Variants in BACH1 observed in about 807,000 individuals in gnomAD.
BACH1 encodes transcription regulator protein BACH1.
A neutral mutation model predicts 52.9 loss-of-function variants in BACH1; 35 were observed. The ratio of observed to expected loss-of-function variants is 0.66; its 90% confidence interval spans 0.51 to 0.88. BACH1 has a LOEUF of 0.88. BACH1 is among the 40% of genes least tolerant of loss of function. The pLI, the probability that BACH1 is intolerant of heterozygous loss-of-function variation, is 0.00. For synonymous variants in BACH1, 321 were observed against 319.6 expected (o/e 1.00, Z -0.05); for missense variants, 808 against 872.6 (o/e 0.93, Z 0.93).
chr21:29,337,048 A>T (rs1418988500), intron 4 of BACH1, among the ~76,000 whole-genome samples: 1 of 152,014 alleles, frequency 6.6e-6, no homozygotes, highest in Non-Finnish European at 1.5e-5. Flanking sequence ...TTTCTGATTC[A>T]ATTTGTTAGG....
At chr21:29,329,788 CAATT>C in intron 4 of BACH1, 95 bp downstream of exon 4, 1 of 903,318 alleles carries the variant, frequency 1.1e-6, no homozygotes, top group Non-Finnish European at 1.6e-6. Context: ...ATATAATGCT[CAATT>C]ACTTATTTTA....
At chr21:29,340,434 TG>T (rs1006745741) in intron 4 of BACH1, among the ~76,000 whole-genome samples, 18 of 152,144 alleles carry the variant, frequency 1.2e-4, no homozygotes, top group African/African-American at 4.3e-4. Flanking sequence ...CCTAATTTAG[TG>T]GGGTGGGAGG....
intron 3 of BACH1, among the ~76,000 whole-genome samples, chr21:29,328,125 A>G (rs1360338832): frequency 1.3e-5 from 2 of 152,248 alleles, no homozygotes; most frequent in Non-Finnish European, 2.9e-5. Context: ...AACAGTGATT[A>G]GTTGTAGGAA....
In BACH1 at chr21:29,326,728, G is replaced by A; in HGVS notation, c.904G>A (p.Glu302Lys). The A allele has an allele frequency of 6.2e-7, 1 of 1,614,054 alleles. No individual in the cohort carries two copies. Among genetic ancestry groups the A allele is most frequent in the Non-Finnish European group, 8.5e-7 (1 of 1,180,042 alleles). ...AGATCCTGCTTCTCAGTGCCCAACT[G>A]AAAAATCAGAAGTGACTCCTTTCCC... Reference protein sequence around the residue: ...KKDPASQCPTEKSEVTPFPHN... With the variant: ...KKDPASQCPTKKSEVTPFPHN... Residue 302 changes from glutamate (E) to lysine (K), a missense_variant, in exon 3 of 5, where the codon GAA becomes AAA. Coordinates refer to ENST00000286800, the MANE Select transcript of BACH1 (RefSeq NM_001186.4).
chr21:29,310,573 C>T (rs1362191433), intron 1 of BACH1, among the ~76,000 whole-genome samples: 1 of 152,188 alleles, frequency 6.6e-6, no homozygotes, highest in Non-Finnish European at 1.5e-5. Flanking sequence ...TTCAGCAAGT[C>T]AGTGAAGTGA....
At chr21:29,346,965 C>T, downstream of BACH1, among the ~76,000 whole-genome samples, 1 of 152,140 alleles carries the variant, frequency 6.6e-6, no homozygotes. Context: ...GGAAGGCCCC[C>T]ACTTGAGTGT....
chr21:29,300,682 G>A (rs1190499209), intron 1 of BACH1: 3 of 152,128 alleles, frequency 2.0e-5, no homozygotes, highest in Non-Finnish European at 2.9e-5. Context: ...CCTTTTTGTG[G>A]TTTCTGTTAC....
At chr21:29,353,007 C>T (rs1273296234) in intron 2 of BACH1, among the ~76,000 whole-genome samples, 2 of 152,134 alleles carry the variant, frequency 1.3e-5, no homozygotes, top group Non-Finnish European at 2.9e-5. Flanking sequence ...GCCACTGTGT[C>T]CAGCCTAATT....
At chr21:29,357,761 G>A (rs1229224449) in intron 2 of BACH1, among the ~76,000 whole-genome samples, 1 of 152,190 alleles carries the variant, frequency 6.6e-6, no homozygotes. Flanking sequence ...TCTCTGTGAT[G>A]CATAAAGAAA....
chr21:29,351,042 G>C (rs1246273588), downstream of BACH1, among the ~76,000 whole-genome samples: 1 of 152,132 alleles, frequency 6.6e-6, no homozygotes, highest in Non-Finnish European at 1.5e-5. Flanking sequence ...TAAATGCAAA[G>C]ATCATGGAAA....
intron 4 of BACH1, among the ~76,000 whole-genome samples, chr21:29,335,910 T>C (rs1202881822): frequency 6.6e-6 from 1 of 152,238 alleles, no homozygotes; most frequent in African/African-American, 2.4e-5. Flanking sequence ...GTTTGAAAGC[T>C]ACCATATTAT....
chr21:29,338,535 C>T (rs992670188), intron 4 of BACH1, among the ~76,000 whole-genome samples: 21 of 151,902 alleles, frequency 1.4e-4, no homozygotes, highest in African/African-American at 5.1e-4. Flanking sequence ...CCACCATGCC[C>T]GGGTAATTTT....
At chr21:29,348,767 A>G (rs2089185556), downstream of BACH1, among the ~76,000 whole-genome samples, 1 of 152,068 alleles carries the variant, frequency 6.6e-6, no homozygotes. Context: ...AGGCCTAAGA[A>G]AGTTGCCTCC....
Position 29,342,494 on chromosome 21 carries a change from T to C in BACH1, c.1872T>C (p.Val624=). The C allele has an allele frequency of 6.2e-7, 1 of 1,614,198 alleles. No individual in the cohort carries two copies. ...ACCTAACTGGACTTTGCCAGAAAGT[T>C]TGTAAAGAAGCAGCTCTGAGTCAAG... ...KQNLTGLCQK[V]CKEAALSQEQ... is the part of the protein sequence containing the mutation. Residue 624 remains valine (V), a synonymous_variant, in exon 5 of 5, where the codon GTT becomes GTC. Transcript: ENST00000286800.
At chr21:29,351,392 A>G (rs1315733649) in intron 2 of BACH1, among the ~76,000 whole-genome samples, 1 of 152,220 alleles carries the variant, frequency 6.6e-6, no homozygotes, top group Non-Finnish European at 1.5e-5. Context: ...GTTTTGAGCT[A>G]TTAATTTCAG....
chr21:29,351,924 G>T, intron 2 of BACH1: 1 of 356,462 alleles, frequency 2.8e-6, no homozygotes, highest in South Asian at 2.1e-5. Context: ...TATGAAGTAT[G>T]CACTTAAGGA....
chr21:29,360,003 C>A (rs1291147017), intron 2 of BACH1, among the ~76,000 whole-genome samples: 1 of 152,172 alleles, frequency 6.6e-6, no homozygotes, highest in Non-Finnish European at 1.5e-5. Flanking sequence ...ATTCATTCCA[C>A]CTCACATGTA....
chr21:29,342,275 T>G, intron 4 of BACH1, 124 bp from the exon 5 acceptor site: 2 of 983,554 alleles, frequency 2.0e-6, no homozygotes, highest in Non-Finnish European at 3.0e-6. Flanking sequence ...TTGAATGGAA[T>G]TGAAAGGATA....
rs763007674 is a variant in BACH1 at position 29,342,778 on chromosome 21, G to T, written c.2156G>T (p.Gly719Val). ...AGPAEQCRQS[G>V]GISDFCQQMT... Reference sequence around the variant, plus strand: ...CCTGCGGAACAGTGTCGTCAGAGTGGTGGGATCTCAGATTTCTGTCAGCAG... The same window carrying T: ...CCTGCGGAACAGTGTCGTCAGAGTGTTGGGATCTCAGATTTCTGTCAGCAG... The change falls in exon 5 of 5, where the codon GGT (glycine) becomes GTT (valine). Residue 719 changes from glycine (G) to valine (V), a missense_variant. Physicochemically the swap from Gly to Val is moderately radical, Grantham distance 109. Coordinates refer to ENST00000286800, the MANE Select transcript of BACH1 (RefSeq NM_001186.4). 1.2e-5 allele frequency: 20 copies of T among 1,612,112 alleles called. No individual in the cohort carries two copies. In the Admixed American group the frequency reaches 1.5e-4, roughly 12 times the overall value.
Sources: allele counts gnomAD v4.1 joint callset (sites outside exome capture counted in the v4.1 genomes callset), GRCh38; gene constraint gnomAD v4.1.1; transcripts MANE v1.5; gene names NCBI Gene and HGNC (gene_info 2026-07-23, HGNC 2026-07-21).